DPP6: variants seen among roughly 807,000 people sequenced by gnomAD.
DPP6 encodes dipeptidyl peptidase like 6, also known as A-type potassium channel modulatory protein DPP6.
In DPP6, 69 loss-of-function variants were observed where a neutral mutation model predicts 122.6. That is an observed-to-expected ratio of 0.56 (90% CI 0.46 to 0.69). The LOEUF is 0.69. Ranked by LOEUF, DPP6 falls within the 30% of genes least tolerant of loss-of-function variation. The probability of loss-of-function intolerance (pLI) is 0.00; values close to 1 mark genes in which losing one functional copy is unlikely to be tolerated. For missense variants in DPP6, 928 were observed against 1,116.9 expected (o/e 0.83, Z 2.41); for synonymous variants, 418 against 433.1 (o/e 0.97, Z 0.43).
At chr7:154,876,217 T>C (rs565036810) in intron 20 of DPP6, 117 bp downstream of exon 20, 5 of 1,360,868 alleles carry the variant, frequency 3.7e-6, no homozygotes, top group Non-Finnish European at 4.7e-6. Flanking sequence ...TTTCATGCAA[T>C]TTGCTCTTAC....
chr7:153,874,342 G>A, the DPP6 span, among the ~76,000 whole-genome samples: 1 of 151,990 alleles, frequency 6.6e-6, no homozygotes, highest in Non-Finnish European at 1.5e-5. Flanking sequence ...ACTTTAGCAT[G>A]TTTGTAAAAC....
chr7:154,363,741 ATCTT>A (rs1186284188), intron 1 of DPP6, among the ~76,000 whole-genome samples: 2 of 152,228 alleles, frequency 1.3e-5, no homozygotes, highest in Non-Finnish European at 2.9e-5. Flanking sequence ...ACATTTGGCC[ATCTT>A]TCTTTAGCTA....
intron 1 of DPP6, among the ~76,000 whole-genome samples, chr7:154,292,306 A>G (rs1375210823): frequency 2.0e-5 from 3 of 152,158 alleles, no homozygotes; most frequent in African/African-American, 7.2e-5. Context: ...CTGTCATCCC[A>G]CGCAGGGTGG....
intron 1 of DPP6, among the ~76,000 whole-genome samples, chr7:154,129,061 G>A (rs1253992526): frequency 2.0e-5 from 3 of 149,082 alleles, no homozygotes; most frequent in South Asian, 2.1e-4. Flanking sequence ...ACCACCCCCC[G>A]ACACACCCCC....
rs1806077736 is a variant in DPP6 at position 154,105,289 on chromosome 7, A to G, written c.243+52226A>G. 5.3e-5 allele frequency among the ~76,000 whole-genome samples: 8 copies of G among 152,324 alleles called. No individual in the cohort carries two copies. The South Asian group carries it at 1.7e-3, about 32-fold the overall frequency. On this transcript the variant is annotated intron_variant, in intron 1 of 25. Coordinates refer to ENST00000377770, the MANE Select transcript of DPP6 (RefSeq NM_130797.4). The stretch of plus-strand genomic sequence containing the variant: ...TTCTTTGATGACATCATTAACGAGG[A>G]GAGGGATGGCCAAAAGAATCCAAAA...
chr7:154,459,376 G>A (rs182615132), intron 2 of DPP6, among the ~76,000 whole-genome samples: 1 of 152,274 alleles, frequency 6.6e-6, no homozygotes, highest in East Asian at 1.9e-4. Flanking sequence ...CAGTCATTTG[G>A]GAAGGTTAAA....
intron 3 of DPP6, among the ~76,000 whole-genome samples, chr7:154,491,522 C>T (rs1489348016): frequency 6.6e-6 from 1 of 152,132 alleles, no homozygotes; most frequent in Non-Finnish European, 1.5e-5. Context: ...TGTTCTCTTC[C>T]CATCATCTTC....
intron 16 of DPP6, among the ~76,000 whole-genome samples, chr7:154,852,444 C>T (rs984172289): frequency 6.6e-6 from 1 of 152,144 alleles, no homozygotes; most frequent in Non-Finnish European, 1.5e-5. Context: ...TTCCCACAAT[C>T]CACCTGAGCC....
intron 1 of DPP6, among the ~76,000 whole-genome samples, chr7:154,236,117 T>C (rs1408469493): frequency 6.6e-6 from 1 of 152,210 alleles, no homozygotes; most frequent in Non-Finnish European, 1.5e-5. Context: ...CCTCCCAAAG[T>C]GCTGGGATTA....
intron 7 of DPP6, among the ~76,000 whole-genome samples, chr7:154,712,509 G>T (rs574480871): frequency 1.1e-4 from 17 of 152,288 alleles, no homozygotes; most frequent in Admixed American, 4.6e-4. Flanking sequence ...ACCCAAGACT[G>T]GGTAATTTAT....
At chr7:154,835,821 A>G in intron 16 of DPP6, among the ~76,000 whole-genome samples, 1 of 152,236 alleles carries the variant, frequency 6.6e-6, no homozygotes. Flanking sequence ...CAATCTCTGT[A>G]AAATCTTATG....
chr7:154,472,746 G>C lies in DPP6; in HGVS notation c.359-2193G>C, dbSNP rs557330153. The stretch of plus-strand genomic sequence containing the variant: ...TGCAAATGAGCCATCTAGGTACAGA[G>C]AGGCCAGCAGTGAGTTTCTTAAGGA... On this transcript the variant is annotated intron_variant, in intron 2 of 25. Transcript: ENST00000377770. Among the ~76,000 whole-genome samples, 3 of 152,332 alleles carry C rather than the reference G, an allele frequency of 2.0e-5. No individual in the cohort carries two copies. In the East Asian group the frequency reaches 5.8e-4, roughly 29 times the overall value.
At chr7:154,041,636 C>T (rs1384401883) in intron 1 of DPP6, among the ~76,000 whole-genome samples, 1 of 152,150 alleles carries the variant, frequency 6.6e-6, no homozygotes, top group African/African-American at 2.4e-5. Context: ...AGGGCCTAAG[C>T]CCGGGGGATT....
intron 1 of DPP6, among the ~76,000 whole-genome samples, chr7:154,224,199 ATAC>A (rs1489917704): frequency 2.0e-5 from 3 of 148,678 alleles, no homozygotes; most frequent in Non-Finnish European, 4.4e-5. Context: ...ACGTTAAGAG[ATAC>A]TATGATGTAA....
chr7:154,217,832 A>G (rs1800088788), intron 1 of DPP6, among the ~76,000 whole-genome samples: 1 of 151,962 alleles, frequency 6.6e-6, no homozygotes, highest in Admixed American at 6.6e-5. Context: ...CCCAGGAGGG[A>G]GAGAGGGAAG....
chr7:153,853,767 A>G, the DPP6 span, among the ~76,000 whole-genome samples: 2 of 152,190 alleles, frequency 1.3e-5, no homozygotes, highest in African/African-American at 4.8e-5. Flanking sequence ...TTAAAAAAAT[A>G]GTTATTCTTT....
At chr7:154,155,204 A>G (rs941004636) in intron 1 of DPP6, among the ~76,000 whole-genome samples, 23 of 152,192 alleles carry the variant, frequency 1.5e-4, no homozygotes, top group African/African-American at 5.1e-4. Context: ...TGTGTTTCCC[A>G]TCCCAGTGGG....
intron 8 of DPP6, among the ~76,000 whole-genome samples, chr7:154,743,985 C>T (rs937634292): frequency 2.6e-5 from 4 of 152,168 alleles, no homozygotes; most frequent in Admixed American, 6.5e-5. Flanking sequence ...TCTGCTGTCC[C>T]GTCCTTATGT....
chr7:154,637,606 C>T (rs1835807984), intron 5 of DPP6, among the ~76,000 whole-genome samples: 1 of 152,184 alleles, frequency 6.6e-6, no homozygotes, highest in African/African-American at 2.4e-5. Flanking sequence ...GACATCAAGC[C>T]TCTGGCTGCC....
Sources: allele counts gnomAD v4.1 joint callset (sites outside exome capture counted in the v4.1 genomes callset), GRCh38; gene constraint gnomAD v4.1.1; transcripts MANE v1.5; gene names NCBI Gene and HGNC (gene_info 2026-07-23, HGNC 2026-07-21).